The following BLZF1 variants were observed in gnomAD, a reference collection of about 807,000 sequenced individuals.
BLZF1 encodes the protein basic leucine zipper nuclear factor 1.
BLZF1 carries 39 observed loss-of-function variants against 43.8 expected under a neutral mutation model. That is an observed-to-expected ratio of 0.89 (90% CI 0.69 to 1.16). The LOEUF is 1.16. BLZF1 is among the 50% of genes most tolerant of loss of function. The pLI, the probability that BLZF1 is intolerant of heterozygous loss-of-function variation, is 0.00. For missense variants in BLZF1, 449 were observed against 469.8 expected (o/e 0.96, Z 0.41); for synonymous variants, 136 against 159.4 (o/e 0.85, Z 1.11).
At position 169,387,359 on chromosome 1, in the gene BLZF1, C is replaced by T; in HGVS notation, c.*177C>T. 1.8e-6 allele frequency: 1 copy of T among 541,550 alleles called. No homozygotes were observed. Among genetic ancestry groups the T allele is most frequent in the South Asian group, 3.0e-5 (1 of 33,052 alleles). 33.5% of individuals were successfully genotyped at this position (541,550 alleles called of 1,614,324 possible). On this transcript the variant is annotated 3_prime_UTR_variant, in exon 7 of 7. Transcript: ENST00000367808. The stretch of plus-strand genomic sequence containing the variant: ...GATTACCCTTTCTTAATAAATATCT[C>T]AGGGTAAGGAAAGAAAGAAACTGTA...
At chr1:169,380,721 T>C (rs1411775749) in intron 5 of BLZF1, 112 bp downstream of exon 5, 1 of 1,240,388 alleles carries the variant, frequency 8.1e-7, no homozygotes, top group Non-Finnish European at 1.1e-6. Context: ...CTACATTTGA[T>C]AACTTACTGA....
At chr1:169,377,004 A>G in intron 3 of BLZF1, 25 bp downstream of exon 3, 1 of 1,581,116 alleles carries the variant, frequency 6.3e-7, no homozygotes, top group Non-Finnish European at 8.7e-7. Context: ...AATCGATAAA[A>G]TGAGTACTAC....
chr1:169,380,474 T>G lies in BLZF1; in HGVS notation c.669-7T>G. ...AAATTTATATGTAAGATTTTAATCT[T>G]TTTCAGGGTAATGGCAGATGAGTTA... On this transcript the variant is annotated splice_region_variant and splice_polypyrimidine_tract_variant and intron_variant, in intron 4 of 6. Coordinates refer to ENST00000367808, the MANE Select transcript of BLZF1 (RefSeq NM_001320973.2). 6.2e-7 allele frequency: 1 copy of G among 1,606,750 alleles called. No individual in the cohort carries two copies. Among genetic ancestry groups the G allele is most frequent in the South Asian group, 1.1e-5 (1 of 90,564 alleles).
At chr1:169,370,270 G>A (rs756173321) in intron 2 of BLZF1, among the ~76,000 whole-genome samples, 7 of 152,224 alleles carry the variant, frequency 4.6e-5, no homozygotes, top group African/African-American at 1.7e-4. Context: ...TACATCTGCA[G>A]TGATCCTGTT....
downstream of BLZF1, among the ~76,000 whole-genome samples, chr1:169,392,884 A>T (rs1016926822): frequency 5.3e-5 from 8 of 151,878 alleles, no homozygotes; most frequent in African/African-American, 1.9e-4. Context: ...AAGTTCCACG[A>T]CCCTTCCTCC....
chr1:169,374,984 A>G (rs1273127907), intron 2 of BLZF1, among the ~76,000 whole-genome samples: 1 of 152,056 alleles, frequency 6.6e-6, no homozygotes, highest in Non-Finnish European at 1.5e-5. Context: ...GCATAGATCC[A>G]CAGATACACT....
At chr1:169,369,282 A>AT (rs3831915) in intron 1 of BLZF1, among the ~76,000 whole-genome samples, 191 bp from the exon 2 acceptor site, 64,692 of 150,218 alleles carry the variant, frequency 0.43, 14,464 homozygotes, top group Non-Finnish European at 0.48. Flanking sequence ...ACCACCCCTA[A>AT]TTTTTTTTTT....
chr1:169,395,003 A>C (rs1571451112), intron 7 of BLZF1: 1 of 1,525,546 alleles, frequency 6.6e-7, no homozygotes, highest in East Asian at 2.3e-5. Context: ...ATCATATCCA[A>C]AATTTTGATA....
Position 169,382,196 on chromosome 1 carries a change from TGG to T in BLZF1, c.934_935del (p.Gly312LysfsTer5). On this transcript the variant is annotated frameshift_variant, in exon 6 of 7. Transcript: ENST00000367808. LOFTEE classifies it high-confidence loss of function. ...GCAAAAGCAGTAAATTCTCATCTTCTGGGAAATGTTGGCATTAACAATCAAAA... is the reference window on the plus strand; with the variant it reads ...GCAAAAGCAGTAAATTCTCATCTTCTGAAATGTTGGCATTAACAATCAAAA... 1 of 1,613,754 alleles carries T rather than the reference TGG, an allele frequency of 6.2e-7. No homozygotes were observed.
At chr1:169,386,217 A>AT (rs1654662685) in intron 6 of BLZF1, among the ~76,000 whole-genome samples, 1 of 152,190 alleles carries the variant, frequency 6.6e-6, no homozygotes, top group Non-Finnish European at 1.5e-5. Context: ...AAAATACTGC[A>AT]TATAAATTAG....
At chr1:169,394,708 G>A (rs563221369) in intron 7 of BLZF1, among the ~76,000 whole-genome samples, 5 of 152,224 alleles carry the variant, frequency 3.3e-5, no homozygotes, top group African/African-American at 1.2e-4. Flanking sequence ...CTTATGAAAT[G>A]TTCCATTGTA....
chr1:169,396,220 A>G (rs1382162395), exon 8 of BLZF1: 1 of 152,196 alleles, frequency 6.6e-6, no homozygotes, highest in East Asian at 1.9e-4. Flanking sequence ...TCTACAATGC[A>G]CATTTACTGT....
At chr1:169,371,598 G>A (rs1654122843) in intron 2 of BLZF1, among the ~76,000 whole-genome samples, 1 of 152,188 alleles carries the variant, frequency 6.6e-6, no homozygotes, top group African/African-American at 2.4e-5. Flanking sequence ...CAGGAGATAA[G>A]TACGGTTGTT....
At chr1:169,377,557 C>T (rs534415193) in intron 3 of BLZF1, among the ~76,000 whole-genome samples, 11 of 151,994 alleles carry the variant, frequency 7.2e-5, no homozygotes, top group Admixed American at 2.0e-4. Flanking sequence ...TGTTTTTATA[C>T]AAATATATTT....
rs1654704424 is a variant in BLZF1, at chr1:169,387,254, G to A, written c.*72G>A. Reference sequence around the variant, plus strand: ...GAGTCATTATTATTTGGGAGCTGGGGTTCTTACAATGCTAGAAATAATATC... The same window carrying A: ...GAGTCATTATTATTTGGGAGCTGGGATTCTTACAATGCTAGAAATAATATC... On this transcript the variant is annotated 3_prime_UTR_variant, in exon 7 of 7. Coordinates refer to ENST00000367808, the MANE Select transcript of BLZF1 (RefSeq NM_001320973.2). 14 of 1,395,402 alleles carry A rather than the reference G, an allele frequency of 1.0e-5. No individual in the cohort carries two copies. Among genetic ancestry groups the A allele is most frequent in the Middle Eastern group, 3.6e-4 (2 of 5,530 alleles). 86.4% of individuals were successfully genotyped at this position (1,395,402 alleles called of 1,614,324 possible). A position where few individuals can be genotyped will look rare whatever the true frequency, so the allele number is the denominator to read the frequency against.
chr1:169,375,401 T>TATATAC (rs1654279589), intron 2 of BLZF1, among the ~76,000 whole-genome samples: 2 of 74,756 alleles, frequency 2.7e-5, no homozygotes, highest in African/African-American at 6.1e-5. Context: ...AACATATATA[T>TATATAC]ATATATATAT....
chr1:169,369,264 A>G (rs1000034866), intron 1 of BLZF1, among the ~76,000 whole-genome samples: 1 of 140,652 alleles, frequency 7.1e-6, no homozygotes, highest in African/African-American at 2.6e-5. Context: ...CGGAGTATTT[A>G]GAAGTAAACC....
intron 7 of BLZF1, chr1:169,395,880 T>TTG (rs1553201911): frequency 7.4e-6 from 1 of 134,964 alleles, no homozygotes; most frequent in Non-Finnish European, 1.5e-5. Context: ...GTTTTGTTGT[T>TTG]TTTTTTTTTT....
intron 2 of BLZF1, among the ~76,000 whole-genome samples, chr1:169,370,565 T>A (rs1201734835): frequency 2.0e-5 from 3 of 152,192 alleles, no homozygotes; most frequent in Non-Finnish European, 4.4e-5. Context: ...TAATATTTTT[T>A]AAAAATTAAA....
Sources: gnomAD v4.1 joint callset for allele counts (sites outside exome capture counted in the v4.1 genomes callset) on GRCh38, gnomAD v4.1.1 for gene constraint, MANE v1.5 for transcripts, NCBI Gene and HGNC (gene_info 2026-07-23, HGNC 2026-07-21) for gene names.